The following SH2D4B variants were observed in gnomAD, a reference collection of about 807,000 sequenced individuals.
SH2D4B encodes SH2 domain-containing protein 4B.
In SH2D4B, 45 loss-of-function variants were observed where a neutral mutation model predicts 61.5. The observed-to-expected ratio is 0.73, with a 90% CI of 0.58 to 0.94. The LOEUF is 0.94. SH2D4B is among the 40% of genes least tolerant of loss of function. The pLI is 0.00. For synonymous variants in SH2D4B, 224 were observed against 220.4 expected, an observed-to-expected ratio of 1.02 and a Z score of -0.14; for missense variants, 572 against 574.2, an observed-to-expected ratio of 1.00 and a Z score of 0.04.
chr10:80,550,481 C>A (rs1385159830), intron 1 of SH2D4B, among the ~76,000 whole-genome samples: 5 of 152,114 alleles, frequency 3.3e-5, no homozygotes, highest in Non-Finnish European at 4.4e-5. Context: ...ATAGTCCCAG[C>A]TACTCGGGAG....
chr10:80,589,994 G>A (rs752122528), intron 4 of SH2D4B, among the ~76,000 whole-genome samples: 2 of 152,166 alleles, frequency 1.3e-5, no homozygotes, highest in Non-Finnish European at 2.9e-5. Flanking sequence ...GGTAAGACAT[G>A]CAGGCCCAGA....
rs553825447 is a variant in SH2D4B at position 80,603,595 on chromosome 10, G to A, written c.660G>A (p.Ala220=). 3.6e-5 allele frequency: 57 copies of A among 1,562,322 alleles called. No homozygotes were observed. The highest frequency in any genetic ancestry group is 2.3e-4 in the South Asian group (20 of 85,136). Residue 220 remains alanine, a synonymous_variant, in exon 5 of 8, where the codon GCG becomes GCA. Coordinates refer to ENST00000646907, the MANE Select transcript of SH2D4B (RefSeq NM_001388272.1). ...EWEEQLRRSK[A]ADEERSRRAQ... Reference sequence around the variant, plus strand: ...TCTTTCCAGTGCGCCGGTCCAAGGCGGCTGATGAGGAGAGGAGCCGCCGAG... The same window carrying A: ...TCTTTCCAGTGCGCCGGTCCAAGGCAGCTGATGAGGAGAGGAGCCGCCGAG...
intron 1 of SH2D4B, among the ~76,000 whole-genome samples, chr10:80,552,893 C>G (rs1049931460): frequency 6.7e-6 from 1 of 150,120 alleles, no homozygotes; most frequent in East Asian, 1.9e-4. Context: ...CTTTCTTTCT[C>G]TCTCTCTCTC....
At chr10:80,584,690 G>C (rs1226516251) in intron 3 of SH2D4B, among the ~76,000 whole-genome samples, 2 of 152,158 alleles carry the variant, frequency 1.3e-5, no homozygotes, top group Non-Finnish European at 2.9e-5. Flanking sequence ...ACCCTATTTG[G>C]CTTTGCAGTA....
chr10:80,602,283 G>A (rs7084378), intron 4 of SH2D4B, among the ~76,000 whole-genome samples: 86,074 of 151,934 alleles, frequency 0.57, 26,591 homozygotes, highest in African/African-American at 0.81. Flanking sequence ...ACAACATAGT[G>A]AAGCCCTGTC....
chr10:80,590,222 T>A (rs1842310941), intron 4 of SH2D4B, among the ~76,000 whole-genome samples: 1 of 152,156 alleles, frequency 6.6e-6, no homozygotes. Flanking sequence ...ATAACTAAAC[T>A]GAGCTCTTGG....
intron 6 of SH2D4B, among the ~76,000 whole-genome samples, chr10:80,618,717 T>C (rs988267394): frequency 3.3e-5 from 5 of 152,208 alleles, no homozygotes; most frequent in Admixed American, 6.5e-5. Flanking sequence ...TTAAGAAATA[T>C]GCACGTCAGA....
At chr10:80,540,063 A>C (rs1211564784) in intron 1 of SH2D4B, among the ~76,000 whole-genome samples, 1 of 152,112 alleles carries the variant, frequency 6.6e-6, no homozygotes, top group Non-Finnish European at 1.5e-5. Context: ...TAACTGCAAA[A>C]ATATTTATAC....
chr10:80,571,579 G>T lies in SH2D4B; in HGVS notation c.495+1G>T. The T allele has an allele frequency of 6.2e-7, 1 of 1,613,506 alleles. No homozygotes were observed. Among genetic ancestry groups the T allele is most frequent in the Non-Finnish European group, 8.5e-7 (1 of 1,179,918 alleles). On this transcript the variant is annotated splice_donor_variant, in intron 3 of 7. Transcript: ENST00000646907. LOFTEE classifies it high-confidence loss of function. The stretch of plus-strand genomic sequence containing the variant: ...GGAACGCATCCACGAGGAATTCAAG[G>T]TGGGCCAGCGCATGGGGCCCCTGCG...
At chr10:80,615,527 C>T (rs542502466) in intron 6 of SH2D4B, among the ~76,000 whole-genome samples, 1 of 152,326 alleles carries the variant, frequency 6.6e-6, no homozygotes, top group South Asian at 2.1e-4. Flanking sequence ...AATCTCACCC[C>T]TCCTCATTCC....
chr10:80,643,785 G>A (rs1840347627), intron 7 of SH2D4B, among the ~76,000 whole-genome samples: 1 of 151,798 alleles, frequency 6.6e-6, no homozygotes, highest in African/African-American at 2.4e-5. Context: ...TCACTTTGTC[G>A]ATGACAAAGT....
intron 6 of SH2D4B, among the ~76,000 whole-genome samples, chr10:80,615,742 T>C (rs1430212124): frequency 6.6e-6 from 1 of 152,206 alleles, no homozygotes; most frequent in East Asian, 1.9e-4. Context: ...TGGAATCTGT[T>C]GAGAGGGGAC....
At chr10:80,546,778 C>T (rs917249517) in intron 1 of SH2D4B, among the ~76,000 whole-genome samples, 2 of 151,848 alleles carry the variant, frequency 1.3e-5, no homozygotes, top group Admixed American at 6.6e-5. Flanking sequence ...CCGTCCGCCT[C>T]GGCCTCCCAA....
chr10:80,564,501 G>T (rs1841942137), intron 1 of SH2D4B, among the ~76,000 whole-genome samples: 1 of 152,158 alleles, frequency 6.6e-6, no homozygotes, highest in African/African-American at 2.4e-5. Flanking sequence ...CTCTCTCCAG[G>T]TCTCCTTTGG....
chr10:80,611,189 A>AC (rs1842594126), intron 6 of SH2D4B, among the ~76,000 whole-genome samples: 1 of 151,086 alleles, frequency 6.6e-6, no homozygotes, highest in South Asian at 2.1e-4. Context: ...AAAAAAAAAA[A>AC]AAAAAAAAAA....
At chr10:80,557,036 A>T (rs1564767682) in intron 1 of SH2D4B, among the ~76,000 whole-genome samples, 1 of 152,252 alleles carries the variant, frequency 6.6e-6, no homozygotes, top group Non-Finnish European at 1.5e-5. Flanking sequence ...GTAGGTTTTC[A>T]TAGATGCATT....
At chr10:80,553,560 T>C (rs1470495567) in intron 1 of SH2D4B, among the ~76,000 whole-genome samples, 1 of 152,234 alleles carries the variant, frequency 6.6e-6, no homozygotes, top group Non-Finnish European at 1.5e-5. Flanking sequence ...TGGGGCATCA[T>C]GGCCCCGGTG....
intron 1 of SH2D4B, among the ~76,000 whole-genome samples, chr10:80,542,280 C>T (rs927173479): frequency 6.6e-6 from 1 of 152,062 alleles, no homozygotes; most frequent in African/African-American, 2.4e-5. Context: ...TCTCTGCTTA[C>T]TCAGTCATCC....
chr10:80,601,120 G>A (rs1842448477), intron 4 of SH2D4B, among the ~76,000 whole-genome samples: 1 of 152,170 alleles, frequency 6.6e-6, no homozygotes, highest in Non-Finnish European at 1.5e-5. Context: ...AAAGTGGAAG[G>A]CCAGAGAGAG....
Sources: allele counts gnomAD v4.1 joint callset (sites outside exome capture counted in the v4.1 genomes callset), GRCh38; gene constraint gnomAD v4.1.1; transcripts MANE v1.5; gene names NCBI Gene and HGNC (gene_info 2026-07-23, HGNC 2026-07-21).